PLCH1: variants seen among roughly 807,000 people sequenced by gnomAD.
PLCH1 encodes the protein phospholipase C eta 1.
PLCH1 carries 60 observed loss-of-function variants against 126.7 expected under a neutral mutation model. That is an observed-to-expected ratio of 0.47 (90% CI 0.38 to 0.59). The LOEUF is 0.59. Ranked by LOEUF, PLCH1 falls within the 20% of genes least tolerant of loss-of-function variation. The pLI, the probability that PLCH1 is intolerant of heterozygous loss-of-function variation, is 0.00. For missense variants in PLCH1, 1,723 were observed against 2,040.0 expected, an observed-to-expected ratio of 0.84 and a Z score of 2.99; for synonymous variants, 719 against 734.9, an observed-to-expected ratio of 0.98 and a Z score of 0.35.
chr3:155,599,881 C>T lies in PLCH1; in HGVS notation c.80-3503G>A, dbSNP rs908010185. The stretch of plus-strand genomic sequence containing the variant: ...TTTCCCTGAAATGGAACTGCCATGG[C>T]TATAACAGCTCAACATTTTAACAGG... On this transcript the variant is annotated intron_variant, in intron 2 of 22. Coordinates refer to ENST00000460012, the MANE Select transcript of PLCH1 (RefSeq NM_014996.4). Among the ~76,000 whole-genome samples, 21 of 152,146 alleles carry T rather than the reference C, an allele frequency of 1.4e-4. 1 individual carries two copies. The highest frequency in any genetic ancestry group is 2.6e-4 in the Admixed American group (4 of 15,266).
chr3:155,562,072 C>T (rs556630663), intron 8 of PLCH1, among the ~76,000 whole-genome samples: 90 of 152,278 alleles, frequency 5.9e-4, no homozygotes, highest in African/African-American at 2.0e-3. Flanking sequence ...TGAGCCACTG[C>T]GCCTGGCCAC....
intron 12 of PLCH1, among the ~76,000 whole-genome samples, chr3:155,512,369 T>C (rs551075230): frequency 3.9e-5 from 6 of 152,244 alleles, no homozygotes; most frequent in African/African-American, 1.4e-4. Flanking sequence ...AGATGCAGAC[T>C]CTCTCCCTAC....
At chr3:155,658,940 G>A (rs188801715) in intron 2 of PLCH1, among the ~76,000 whole-genome samples, 131 of 152,324 alleles carry the variant, frequency 8.6e-4, no homozygotes, top group Non-Finnish European at 4.0e-4. Context: ...CTTAGAAAAC[G>A]TAATTATCCA....
At chr3:155,648,512 G>C (rs994193070) in intron 2 of PLCH1, among the ~76,000 whole-genome samples, 1 of 152,144 alleles carries the variant, frequency 6.6e-6, no homozygotes, top group Non-Finnish European at 1.5e-5. Context: ...GAGAAAGGCC[G>C]GGTCACATTT....
intron 2 of PLCH1, among the ~76,000 whole-genome samples, chr3:155,629,799 G>A (rs1321341562): frequency 6.6e-6 from 1 of 152,118 alleles, no homozygotes; most frequent in African/African-American, 2.4e-5. Context: ...TCTCCCTCCT[G>A]CCCTTCTTTC....
intron 10 of PLCH1, among the ~76,000 whole-genome samples, chr3:155,534,574 G>C (rs1294420694): frequency 6.6e-6 from 1 of 152,196 alleles, no homozygotes; most frequent in African/African-American, 2.4e-5. Flanking sequence ...TTGGGGGACT[G>C]TTGGAAAGAC....
At chr3:155,562,755 C>A (rs1429688372) in intron 8 of PLCH1, among the ~76,000 whole-genome samples, 1 of 152,218 alleles carries the variant, frequency 6.6e-6, no homozygotes, top group African/African-American at 2.4e-5. Context: ...TTCTCTCCTA[C>A]TTCTCTGAGA....
At chr3:155,718,110 G>T (rs1272165323) in intron 1 of PLCH1, among the ~76,000 whole-genome samples, 1 of 152,124 alleles carries the variant, frequency 6.6e-6, no homozygotes, top group Non-Finnish European at 1.5e-5. Flanking sequence ...AGTGTCTATA[G>T]ATCCCTAGGG....
intron 1 of PLCH1, among the ~76,000 whole-genome samples, chr3:155,712,567 T>G (rs1747206694): frequency 1.3e-5 from 2 of 150,732 alleles, no homozygotes; most frequent in East Asian, 2.0e-4. Flanking sequence ...AAAAAAAAGG[T>G]AAATCTTTAA....
At chr3:155,595,831 A>T (rs1732908959) in intron 3 of PLCH1, among the ~76,000 whole-genome samples, 1 of 152,158 alleles carries the variant, frequency 6.6e-6, no homozygotes, top group African/African-American at 2.4e-5. Flanking sequence ...TTACTTGATA[A>T]ATTTAAATGG....
At chr3:155,549,764 A>G (rs1725857694) in intron 10 of PLCH1, 23 bp downstream of exon 10, 1 of 1,573,390 alleles carries the variant, frequency 6.4e-7, no homozygotes, top group Non-Finnish European at 8.7e-7. Flanking sequence ...AATGTCTTTT[A>G]TTGCATTACT....
At chr3:155,646,671 T>C (rs550911072) in intron 2 of PLCH1, among the ~76,000 whole-genome samples, 9 of 152,122 alleles carry the variant, frequency 5.9e-5, no homozygotes, top group Non-Finnish European at 1.2e-4. Flanking sequence ...TCACCACCAT[T>C]TGGAAAACAC....
intron 2 of PLCH1, among the ~76,000 whole-genome samples, chr3:155,634,871 T>C (rs1165837940): frequency 6.6e-6 from 1 of 152,192 alleles, no homozygotes; most frequent in East Asian, 1.9e-4. Context: ...ATTCCTATAC[T>C]ATTCTTTGAC....
At chr3:155,602,238 C>A (rs1480695714) in intron 2 of PLCH1, among the ~76,000 whole-genome samples, 6 of 152,088 alleles carry the variant, frequency 3.9e-5, no homozygotes, top group Non-Finnish European at 8.8e-5. Context: ...AGTATGATAT[C>A]TTTTGTGTAA....
chr3:155,565,977 C>T (rs1485652458), intron 7 of PLCH1, among the ~76,000 whole-genome samples: 8 of 150,936 alleles, frequency 5.3e-5, no homozygotes, highest in East Asian at 3.9e-4. Context: ...AGATTACAGG[C>T]GTGAGCCACT....
chr3:155,568,620 C>A (rs1435830475), intron 6 of PLCH1, among the ~76,000 whole-genome samples: 1 of 152,118 alleles, frequency 6.6e-6, no homozygotes, highest in African/African-American at 2.4e-5. Flanking sequence ...GCCAAAAATA[C>A]ACTCACTATA....
At chr3:155,639,491 CA>C (rs2108848017) in intron 2 of PLCH1, among the ~76,000 whole-genome samples, 1 of 152,128 alleles carries the variant, frequency 6.6e-6, no homozygotes, top group South Asian at 2.1e-4. Context: ...ATGTATATGG[CA>C]ATCACAGTCC....
At chr3:155,719,735 T>C (rs1747802525) in intron 1 of PLCH1, among the ~76,000 whole-genome samples, 1 of 151,910 alleles carries the variant, frequency 6.6e-6, no homozygotes, top group African/African-American at 2.4e-5. Context: ...CAGGTTGCTG[T>C]AAATGCCATT....
chr3:155,524,246 C>T (rs1223447023), intron 10 of PLCH1, among the ~76,000 whole-genome samples: 1 of 152,120 alleles, frequency 6.6e-6, no homozygotes, highest in Non-Finnish European at 1.5e-5. Context: ...TGTATGATTC[C>T]ATTTATATCA....
Sources: gnomAD v4.1 joint callset for allele counts (sites outside exome capture counted in the v4.1 genomes callset) on GRCh38, gnomAD v4.1.1 for gene constraint, MANE v1.5 for transcripts, NCBI Gene and HGNC (gene_info 2026-07-23, HGNC 2026-07-21) for gene names.